The following HHLA2 variants were observed in gnomAD, a reference collection of about 807,000 sequenced individuals.
HHLA2 encodes HHLA2 member of B7 family.
In HHLA2, 48 loss-of-function variants were observed where a neutral mutation model predicts 45.9. That is an observed-to-expected ratio of 1.05 (90% confidence interval 0.83 to 1.33). The LOEUF is 1.33. Ranked by LOEUF, HHLA2 falls within the 40% of genes most tolerant of loss-of-function variation. The pLI is 0.00. For synonymous variants in HHLA2, 161 were observed against 173.9 expected (o/e 0.93, Z 0.59); for missense variants, 462 against 494.3 (o/e 0.93, Z 0.62).
chr3:108,350,299 A>C (rs1293296691), intron 3 of HHLA2, among the ~76,000 whole-genome samples: 1 of 152,208 alleles, frequency 6.6e-6, no homozygotes, highest in Admixed American at 6.5e-5. Flanking sequence ...GTCATATTGC[A>C]AAAGTATTTC....
At chr3:108,355,247 T>C in exon 6 of HHLA2, 3 of 1,613,870 alleles carry the variant, frequency 1.9e-6, no homozygotes, top group South Asian at 2.2e-5. Flanking sequence ...GAAAACAACA[T>C]GGAAGAAACA....
chr3:108,316,030 C>T (rs1259322708), intron 2 of HHLA2, among the ~76,000 whole-genome samples: 1 of 150,826 alleles, frequency 6.6e-6, no homozygotes, highest in Non-Finnish European at 1.5e-5. Context: ...TATTTATTTA[C>T]ACCCTACATG....
chr3:108,307,491 A>T (rs1487936881), intron 1 of HHLA2, among the ~76,000 whole-genome samples: 1 of 151,988 alleles, frequency 6.6e-6, no homozygotes, highest in Admixed American at 6.6e-5. Flanking sequence ...AAAATTAGCC[A>T]GGCCTGGTGG....
intron 7 of HHLA2, 35 bp from the exon 7 acceptor site, chr3:108,362,307 A>G (rs752524570): frequency 8.0e-6 from 12 of 1,499,626 alleles, no homozygotes. Context: ...TTTTTCTTCC[A>G]GTTCACAGAC....
At chr3:108,326,319 G>A (rs112799798) in intron 2 of HHLA2, 227 of 154,786 alleles carry the variant, frequency 1.5e-3, no homozygotes, top group African/African-American at 4.9e-3. Context: ...ACAGTTCCAC[G>A]TGGCTGGGGA....
At chr3:108,325,443 T>C (rs2081270431) in intron 2 of HHLA2, 3 of 387,934 alleles carry the variant, frequency 7.7e-6, no homozygotes, top group African/African-American at 4.2e-5. Flanking sequence ...TGTTGTAACC[T>C]GTACCTCCCC....
intron 3 of HHLA2, among the ~76,000 whole-genome samples, chr3:108,329,738 T>C (rs1219183785): frequency 2.0e-5 from 3 of 152,210 alleles, no homozygotes; most frequent in African/African-American, 7.2e-5. Flanking sequence ...CTGCTGCACC[T>C]GTGCTTCTCC....
intron 3 of HHLA2, among the ~76,000 whole-genome samples, chr3:108,330,266 G>C (rs972776352): frequency 6.6e-6 from 1 of 152,158 alleles, no homozygotes; most frequent in Non-Finnish European, 1.5e-5. Flanking sequence ...CTATACAAGA[G>C]TCTGGATACC....
At position 108,324,251 on chromosome 3, in the gene HHLA2, G is replaced by A. The variant is rs139952562; in HGVS notation, c.-104-4019G>A. On this transcript the variant is annotated intron_variant, in intron 2 of 10. Transcript: ENST00000619531. Reference sequence around the variant, plus strand: ...CTACATTAAATTTATTATTACATACGTTTTGAGAAATTATTTATGTGAATA... The same window carrying A: ...CTACATTAAATTTATTATTACATACATTTTGAGAAATTATTTATGTGAATA... Among the ~76,000 whole-genome samples the A allele has an allele frequency of 1.4e-3, 212 of 152,150 alleles. 4 individuals are homozygous for A. Among genetic ancestry groups the A allele is most frequent in the Admixed American group, 0.013 (195 of 15,276 alleles).
At chr3:108,299,896 C>T (rs188553799) in intron 1 of HHLA2, among the ~76,000 whole-genome samples, 15 of 152,176 alleles carry the variant, frequency 9.9e-5, no homozygotes, top group African/African-American at 3.4e-4. Context: ...GGTACAGGAG[C>T]GATGGCTTGG....
intron 2 of HHLA2, among the ~76,000 whole-genome samples, chr3:108,312,703 AT>A (rs1380417590): frequency 6.6e-6 from 1 of 152,108 alleles, no homozygotes; most frequent in East Asian, 1.9e-4. Context: ...AGCCAAGCTC[AT>A]TTTTTGCTTG....
intron 2 of HHLA2, among the ~76,000 whole-genome samples, chr3:108,320,092 T>G (rs2081173588): frequency 6.6e-6 from 1 of 152,228 alleles, no homozygotes; most frequent in South Asian, 2.1e-4. Flanking sequence ...CTCCTAAGTT[T>G]TCACTGTTTC....
chr3:108,368,209 C>T lies in HHLA2; in HGVS notation c.1108+5763C>T, dbSNP rs183275768. On this transcript the variant is annotated intron_variant, in intron 8 of 10. Coordinates refer to ENST00000619531, the Ensembl canonical transcript of HHLA2. ...GCCTTACAAGAGCTCCTGAAGGAAG[C>T]ACTAAATACAGAAAGGAAAAACCAG... 6.3e-3 allele frequency among the ~76,000 whole-genome samples: 954 copies of T among 151,992 alleles called. 6 individuals carry two copies. The highest frequency in any genetic ancestry group is 0.022 in the African/African-American group (894 of 41,422).
At chr3:108,375,687 T>C in intron 8 of HHLA2, 63 bp from the exon 8 acceptor site, 3 of 1,570,654 alleles carry the variant, frequency 1.9e-6, no homozygotes, top group Non-Finnish European at 2.6e-6. Flanking sequence ...CAAGGTGACC[T>C]TACAGGGAAA....
At chr3:108,370,473 C>T (rs181215329) in intron 8 of HHLA2, among the ~76,000 whole-genome samples, 66 of 152,200 alleles carry the variant, frequency 4.3e-4, no homozygotes, top group South Asian at 2.1e-4. Flanking sequence ...CAAAGCTGGA[C>T]GGAGAATGAC....
chr3:108,364,935 A>G (rs899566788), intron 8 of HHLA2, among the ~76,000 whole-genome samples: 2 of 152,038 alleles, frequency 1.3e-5, no homozygotes, highest in African/African-American at 4.8e-5. Flanking sequence ...ATTTTCTCCC[A>G]TTCTGTAGGT....
At position 108,373,541 on chromosome 3, in the gene HHLA2, C is replaced by T. The variant is rs187033050; in HGVS notation, c.1109-2209C>T. 1.1e-4 allele frequency among the ~76,000 whole-genome samples: 16 copies of T among 152,178 alleles called. No individual in the cohort carries two copies. The East Asian group carries it at 3.1e-3, about 29-fold the overall frequency. ...TAGGAAAACAGGAAGTCAAATTGTC[C>T]CTGTTTGCAGATGACATGACGGTAT... On this transcript the variant is annotated intron_variant, in intron 8 of 10. Transcript: ENST00000619531.
At chr3:108,372,003 C>A (rs1191248203) in intron 8 of HHLA2, among the ~76,000 whole-genome samples, 12 of 152,182 alleles carry the variant, frequency 7.9e-5, no homozygotes, top group Non-Finnish European at 1.3e-4. Flanking sequence ...AACTCTCCAC[C>A]CCAAATCAAC....
rs1228404597 is a variant in HHLA2, at chr3:108,362,322, T to C, written c.1004-20T>C. On this transcript the variant is annotated intron_variant, in intron 7 of 10. Coordinates refer to ENST00000619531, the Ensembl canonical transcript of HHLA2. ...TTTTTCTTCCAGTTCACAGACTTTG[T>C]TTCTCCTTTTTTTTTTTAGAACCGA... 6.4e-7 allele frequency: 1 copy of C among 1,571,594 alleles called. No individual in the cohort carries two copies. Among genetic ancestry groups the C allele is most frequent in the Non-Finnish European group, 8.7e-7 (1 of 1,148,906 alleles).
Sources: allele counts gnomAD v4.1 joint callset (sites outside exome capture counted in the v4.1 genomes callset), GRCh38; gene constraint gnomAD v4.1.1; transcripts MANE v1.5; gene names NCBI Gene and HGNC (gene_info 2026-07-23, HGNC 2026-07-21).